Variants in KIRREL3 observed in about 807,000 individuals in gnomAD.
KIRREL3 encodes kirre like nephrin family adhesion molecule 3, also known as kin of IRRE-like protein 3.
In KIRREL3, 36 loss-of-function variants were observed where a neutral mutation model predicts 89.7. The observed-to-expected ratio is 0.40, with a 90% CI of 0.31 to 0.53. KIRREL3 has a LOEUF of 0.53. KIRREL3 is among the 20% of genes least tolerant of loss of function. The pLI is 0.49. For missense variants in KIRREL3, 864 were observed against 1,056.6 expected (o/e 0.82, Z 2.53); for synonymous variants, 445 against 441.4 (o/e 1.01, Z -0.10).
At chr11:126,968,679 A>C (rs1282561283) in intron 1 of KIRREL3, among the ~76,000 whole-genome samples, 1 of 152,228 alleles carries the variant, frequency 6.6e-6, no homozygotes, top group Non-Finnish European at 1.5e-5. Context: ...AGCTGCTCTA[A>C]GCTGGGTAAA....
Position 126,997,849 on chromosome 11 carries a change from G to A in KIRREL3, c.55+2606C>T, listed in dbSNP as rs933893523. Among the ~76,000 whole-genome samples the A allele has an allele frequency of 8.5e-5, 13 of 152,126 alleles. No individual in the cohort carries two copies. Among genetic ancestry groups the A allele is most frequent in the Admixed American group, 3.3e-4 (5 of 15,274 alleles). On this transcript the variant is annotated intron_variant, in intron 1 of 16. Transcript: ENST00000525144. The surrounding 1 kb of genome is among the most constrained non-coding windows in gnomAD (Gnocchi z 4.3). Reference sequence around the variant, plus strand: ...TTGGACAGCAGATGGCCATGTCATCGGAGTGCCAGATAAGGCACTAAAAAC... The same window carrying A: ...TTGGACAGCAGATGGCCATGTCATCAGAGTGCCAGATAAGGCACTAAAAAC...
rs1029776959 is a variant in KIRREL3 at position 126,771,178 on chromosome 11, T to G, written c.56-208266A>C. On this transcript the variant is annotated intron_variant, in intron 1 of 16. Coordinates refer to ENST00000525144, the MANE Select transcript of KIRREL3 (RefSeq NM_032531.4). This position sits in a 1 kb window ranked among gnomAD's most constrained non-coding sequence, Gnocchi z 4.4. Reference sequence around the variant, plus strand: ...AAAGAGTGTTGTATACCAAGTCTTGTGTTAGCTGCTTTTACAACCATTGTC... The same window carrying G: ...AAAGAGTGTTGTATACCAAGTCTTGGGTTAGCTGCTTTTACAACCATTGTC... Among the ~76,000 whole-genome samples the G allele has an allele frequency of 6.6e-6, 1 of 152,088 alleles. No individual in the cohort carries two copies. Among genetic ancestry groups the G allele is most frequent in the Non-Finnish European group, 1.5e-5 (1 of 67,998 alleles).
At chr11:126,542,886 A>C (rs896060498) in intron 2 of KIRREL3, among the ~76,000 whole-genome samples, 1 of 152,196 alleles carries the variant, frequency 6.6e-6, no homozygotes, top group Non-Finnish European at 1.5e-5. Flanking sequence ...GATACTTCTC[A>C]CTGCCCTGGG....
At chr11:126,518,452 G>A (rs989292411) in intron 4 of KIRREL3, among the ~76,000 whole-genome samples, 9 of 152,352 alleles carry the variant, frequency 5.9e-5, no homozygotes, top group African/African-American at 1.7e-4. Flanking sequence ...CAATTTTGCC[G>A]GAATACCATC....
chr11:126,506,612 T>G (rs1171984924), intron 4 of KIRREL3, among the ~76,000 whole-genome samples: 1 of 152,216 alleles, frequency 6.6e-6, no homozygotes, highest in African/African-American at 2.4e-5. Context: ...CATTTATTGC[T>G]GGTGGGAATG....
At chr11:126,511,883 C>T (rs571362659) in intron 4 of KIRREL3, among the ~76,000 whole-genome samples, 3 of 152,308 alleles carry the variant, frequency 2.0e-5, no homozygotes, top group African/African-American at 4.8e-5. Flanking sequence ...GGAGAAGCGG[C>T]GGGTTATTTT....
rs1944683831 is a variant in KIRREL3 at position 126,860,956 on chromosome 11, C to T, written c.55+139499G>A. ...AAGCCTCTCCTGGTGCTACCAGAGGCAAACAAATTCTCCCTCCTTTGTGCC... is the reference window on the plus strand; with the variant it reads ...AAGCCTCTCCTGGTGCTACCAGAGGTAAACAAATTCTCCCTCCTTTGTGCC... On this transcript the variant is annotated intron_variant, in intron 1 of 16. Transcript: ENST00000525144. The surrounding 1 kb of genome is among the most constrained non-coding windows in gnomAD (Gnocchi z 4.6). Among the ~76,000 whole-genome samples the T allele has an allele frequency of 6.6e-6, 1 of 152,172 alleles. No individual in the cohort carries two copies.
At chr11:126,442,313 AAC>A (rs71984147) in intron 10 of KIRREL3, among the ~76,000 whole-genome samples, 25,775 of 135,320 alleles carry the variant, frequency 0.19, 2,739 homozygotes, top group Admixed American at 0.3. Flanking sequence ...AGACACACAA[AAC>A]ACACACACAC....
chr11:126,449,306 A>G, intron 7 of KIRREL3, 149 bp from the exon 8 acceptor site: 1 of 840,298 alleles, frequency 1.2e-6, no homozygotes, highest in Non-Finnish European at 1.8e-6. Flanking sequence ...ATCTTCACAG[A>G]GGGGCTACTT....
In KIRREL3 at chr11:126,519,135, C is replaced by T. The variant is rs555707249; in HGVS notation, c.433+2180G>A. On this transcript the variant is annotated intron_variant, in intron 4 of 16. Coordinates refer to ENST00000525144, the MANE Select transcript of KIRREL3 (RefSeq NM_032531.4). This position sits in a 1 kb window ranked among gnomAD's most constrained non-coding sequence, Gnocchi z 4.3. ...AAACATCTCCCCCATACAAACCCAG[C>T]TCTGTGCCCAGAGGGCGGTGTCAGG... 1.1e-3 allele frequency among the ~76,000 whole-genome samples: 172 copies of T among 152,340 alleles called. 1 individual carries two copies. The highest frequency in any genetic ancestry group is 3.9e-3 in the African/African-American group (163 of 41,580).
intron 1 of KIRREL3, among the ~76,000 whole-genome samples, chr11:126,818,618 AGTAGTAGT>A (rs67362400): frequency 0.051 from 3,732 of 72,678 alleles, 54 homozygotes; most frequent in East Asian, 0.092. Flanking sequence ...TAGTAGTAGT[AGTAGTAGT>A]GTGTGTGTGT....
chr11:126,557,657 G>A lies in KIRREL3; in HGVS notation c.133+5178C>T, dbSNP rs58495594. The stretch of plus-strand genomic sequence containing the variant: ...TAGACTCATTTTTTTATTAGTGTAC[G>A]AGGGTGCATAAAGAACAGGCTCTCA... On this transcript the variant is annotated intron_variant, in intron 2 of 16. Transcript: ENST00000525144. This position sits in a 1 kb window ranked among gnomAD's most constrained non-coding sequence, Gnocchi z 5.6. 0.057 allele frequency among the ~76,000 whole-genome samples: 8,708 copies of A among 152,206 alleles called. 716 individuals are homozygous for A. Among genetic ancestry groups the A allele is most frequent in the African/African-American group, 0.18 (7,345 of 41,494 alleles).
rs1271396373 is a variant in KIRREL3, at chr11:126,817,510, T to A, written c.55+182945A>T. Reference sequence around the variant, plus strand: ...TCCCATTTCTCCCACCAATCAGGCATTAGCATCCCCAGTCCTCTGGTGTCC... The same window carrying A: ...TCCCATTTCTCCCACCAATCAGGCAATAGCATCCCCAGTCCTCTGGTGTCC... On this transcript the variant is annotated intron_variant, in intron 1 of 16. Transcript: ENST00000525144. The surrounding 1 kb of genome is among the most constrained non-coding windows in gnomAD (Gnocchi z 5.7). 6.6e-6 allele frequency among the ~76,000 whole-genome samples: 1 copy of A among 152,168 alleles called. No individual in the cohort carries two copies. Among genetic ancestry groups the A allele is most frequent in the Non-Finnish European group, 1.5e-5 (1 of 68,012 alleles).
rs374539610 is a variant in KIRREL3 at position 126,609,949 on chromosome 11, C to G, written c.56-47037G>C. 6.6e-6 allele frequency among the ~76,000 whole-genome samples: 1 copy of G among 152,108 alleles called. No individual in the cohort carries two copies. ...GACTTCAACGAATCCTCAGAACAAC[C>G]CAATGTTGTTGGAAGGTGCAATGAT... On this transcript the variant is annotated intron_variant, in intron 1 of 16. Transcript: ENST00000525144. The surrounding 1 kb of genome is among the most constrained non-coding windows in gnomAD (Gnocchi z 5.0).
rs182546652 is a variant in KIRREL3, at chr11:126,866,816, C to T, written c.55+133639G>A. On this transcript the variant is annotated intron_variant, in intron 1 of 16. Coordinates refer to ENST00000525144, the MANE Select transcript of KIRREL3 (RefSeq NM_032531.4). The stretch of plus-strand genomic sequence containing the variant: ...TGGTCAGAGGAGAGTCTGACCACTG[C>T]GTGGCCTGACTCCAGGGAAGACCAC... Among the ~76,000 whole-genome samples, 13 of 152,290 alleles carry T rather than the reference C, an allele frequency of 8.5e-5. 1 individual carries two copies. In the East Asian group the frequency reaches 1.2e-3, roughly 14 times the overall value.
intron 1 of KIRREL3, among the ~76,000 whole-genome samples, chr11:126,787,862 C>T (rs1197761623): frequency 3.3e-5 from 5 of 152,232 alleles, no homozygotes; most frequent in African/African-American, 1.2e-4. Flanking sequence ...TCTACTCTGA[C>T]ATATCTGCTC....
At chr11:126,794,195 T>C (rs886593324) in intron 1 of KIRREL3, among the ~76,000 whole-genome samples, 5 of 152,256 alleles carry the variant, frequency 3.3e-5, no homozygotes, top group Admixed American at 6.5e-5. Context: ...TAAAATAAAA[T>C]ATTAAGTGTC....
At chr11:126,638,619 C>T (rs568805215) in intron 1 of KIRREL3, among the ~76,000 whole-genome samples, 15 of 152,284 alleles carry the variant, frequency 9.9e-5, no homozygotes, top group South Asian at 4.1e-4. Context: ...CCCCATAGTC[C>T]GTGGATAATT....
At chr11:126,680,415 T>TATACAC (rs551073557) in intron 1 of KIRREL3, among the ~76,000 whole-genome samples, 1 of 151,494 alleles carries the variant, frequency 6.6e-6, no homozygotes, top group African/African-American at 2.4e-5. Flanking sequence ...TATATATATA[T>TATACAC]ACACATAGCC....
Sources: allele counts gnomAD v4.1 joint callset (sites outside exome capture counted in the v4.1 genomes callset), GRCh38; gene constraint gnomAD v4.1.1; non-coding constraint Gnocchi (gnomAD v3.1); transcripts MANE v1.5; gene names NCBI Gene and HGNC (gene_info 2026-07-23, HGNC 2026-07-21).